Variants in PLSCR1 observed in about 807,000 individuals in gnomAD.
The protein encoded by PLSCR1 is phospholipid scramblase 1, also known as PL scramblase 1.
In PLSCR1, 17 loss-of-function variants were observed where a neutral mutation model predicts 37.8. The observed-to-expected ratio is 0.45, with a 90% CI of 0.31 to 0.68. PLSCR1 has a LOEUF of 0.68. PLSCR1 is among the 30% of genes least tolerant of loss of function. The probability of loss-of-function intolerance (pLI) is 0.06; values close to 1 mark genes in which losing one functional copy is unlikely to be tolerated. For synonymous variants in PLSCR1, 116 were observed against 125.9 expected (o/e 0.92, Z 0.53); for missense variants, 347 against 380.9 (o/e 0.91, Z 0.74).
Position 146,515,568 on chromosome 3 carries a change from T to C in PLSCR1, c.*477A>G, listed in dbSNP as rs572099445. On this transcript the variant is annotated 3_prime_UTR_variant, in exon 9 of 9. Transcript: ENST00000342435. ...AAGATTAAAAAAACATTTAACTTTTTAAAGATAATATGCATATTGAATATT... is the reference window on the plus strand; with the variant it reads ...AAGATTAAAAAAACATTTAACTTTTCAAAGATAATATGCATATTGAATATT... 3 of 152,176 alleles carry C rather than the reference T, an allele frequency of 2.0e-5. No individual in the cohort carries two copies. The South Asian group carries it at 6.2e-4, about 32-fold the overall frequency. 9.4% of individuals were successfully genotyped at this position (152,176 alleles called of 1,614,324 possible).
intron 7 of PLSCR1, among the ~76,000 whole-genome samples, chr3:146,519,380 C>T (rs1406559115): frequency 7.2e-5 from 11 of 151,996 alleles, no homozygotes; most frequent in Admixed American, 7.2e-4. Flanking sequence ...TTTGAGATTC[C>T]TGAAACACAA....
Position 146,542,853 on chromosome 3 carries a change from G to A in PLSCR1, c.-14+1614C>T, listed in dbSNP as rs566581751. Among the ~76,000 whole-genome samples, 6 of 152,230 alleles carry A rather than the reference G, an allele frequency of 3.9e-5. No individual in the cohort carries two copies. In the South Asian group the frequency reaches 8.3e-4, roughly 21 times the overall value. On this transcript the variant is annotated intron_variant, in intron 1 of 8. Transcript: ENST00000342435. The stretch of plus-strand genomic sequence containing the variant: ...TTAATTGAAGGCATAGAGCATGCAA[G>A]GCACTATACCAGGCACTAGAGCACA...
At chr3:146,517,775 C>T (rs556157060) in intron 7 of PLSCR1, among the ~76,000 whole-genome samples, 2 of 152,190 alleles carry the variant, frequency 1.3e-5, no homozygotes, top group African/African-American at 4.8e-5. Context: ...AGTGTATGAA[C>T]AAATGAGCTC....
At chr3:146,516,597 C>A in intron 8 of PLSCR1, 1 of 172,306 alleles carries the variant, frequency 5.8e-6, no homozygotes, top group South Asian at 1.5e-4. Flanking sequence ...AATGTACACT[C>A]TTATTGTACT....
chr3:146,526,183 C>CAAAAAAAAAAAAAAAAA (rs60229241), intron 4 of PLSCR1, among the ~76,000 whole-genome samples: 9 of 42,756 alleles, frequency 2.1e-4, no homozygotes, highest in African/African-American at 4.8e-4. Context: ...GACTCCATCT[C>CAAAAAAAAAAAAAAAAA]AAAAAAAAAA....
chr3:146,522,832 A>G (rs910259826), intron 5 of PLSCR1, among the ~76,000 whole-genome samples: 2 of 152,226 alleles, frequency 1.3e-5, no homozygotes, highest in African/African-American at 2.4e-5. Context: ...GAGATAGGGG[A>G]AAACTGCCTT....
At position 146,515,963 on chromosome 3, in the gene PLSCR1, C is replaced by T. The variant is rs943649548; in HGVS notation, c.*82G>A. The stretch of plus-strand genomic sequence containing the variant: ...ACAACCAGAGCTACAGGCCTTACAG[C>T]TTAATTCATACAGGTATGAGTTTAG... On this transcript the variant is annotated 3_prime_UTR_variant, in exon 9 of 9. Coordinates refer to ENST00000342435, the MANE Select transcript of PLSCR1 (RefSeq NM_021105.3). 2.3e-6 allele frequency: 2 copies of T among 853,004 alleles called. No homozygotes were observed. The highest frequency in any genetic ancestry group is 4.3e-5 in the Admixed American group (2 of 46,890). The allele number at this position is 853,004 out of a possible 1,614,324, so 52.8% of individuals were successfully genotyped here.
chr3:146,539,712 G>A (rs945229338), intron 1 of PLSCR1, among the ~76,000 whole-genome samples: 2 of 152,196 alleles, frequency 1.3e-5, no homozygotes, highest in African/African-American at 4.8e-5. Context: ...AAGTTAGTGA[G>A]GATGAGACTT....
intron 1 of PLSCR1, among the ~76,000 whole-genome samples, chr3:146,543,342 T>A (rs146880376): frequency 2.6e-5 from 4 of 152,268 alleles, no homozygotes; most frequent in Middle Eastern, 3.4e-3. Context: ...CACTTTTCTA[T>A]CCAATTGCAT....
In PLSCR1 at chr3:146,516,094, A is replaced by C. The variant is rs943005061; in HGVS notation, c.908T>G (p.Met303Arg). The C allele has an allele frequency of 6.2e-7, 1 of 1,605,424 alleles. No individual in the cohort carries two copies. Among genetic ancestry groups the C allele is most frequent in the Non-Finnish European group, 8.5e-7 (1 of 1,173,388 alleles). Residue 303 changes from methionine (M) to arginine (R), a missense_variant, in exon 9 of 9, where the codon ATG (methionine) becomes AGG (arginine). Coordinates refer to ENST00000342435, the MANE Select transcript of PLSCR1 (RefSeq NM_021105.3). ...MIGACFLIDF[M>R]FFESTGSQEQ... ...CTGGCTGCCAGTGCTTTCAAAAAAC[A>C]TGAAGTCCTAGATAAAAACAAAAGT...
chr3:146,516,553 T>C (rs1162037987), intron 8 of PLSCR1: 1 of 167,190 alleles, frequency 6.0e-6, no homozygotes, highest in Non-Finnish European at 1.3e-5. Context: ...AATTATTTCC[T>C]GTAATTTGGT....
rs1415949040 is a variant in PLSCR1 at position 146,536,571 on chromosome 3, AAAG to A, written c.-13-9_-13-7del. ...TGTCCATGATTAAAACAGTTCTGAA[AAAG>A]AAGATCTGACATTAACACACTGTCT... is the stretch of plus-strand genomic sequence containing the variant. On this transcript the variant is annotated splice_region_variant and splice_polypyrimidine_tract_variant and intron_variant, in intron 1 of 8. Transcript: ENST00000342435. 2.0e-6 allele frequency: 3 copies of A among 1,467,334 alleles called. No homozygotes were observed. Among genetic ancestry groups the A allele is most frequent in the South Asian group, 1.1e-5 (1 of 87,866 alleles). 90.9% of individuals were successfully genotyped at this position (1,467,334 alleles called of 1,614,324 possible).
At chr3:146,534,518 T>C (rs2044240418) in intron 2 of PLSCR1, among the ~76,000 whole-genome samples, 1 of 152,156 alleles carries the variant, frequency 6.6e-6, no homozygotes, top group Non-Finnish European at 1.5e-5. Flanking sequence ...CCACTCAACT[T>C]GTGAATCGTG....
intron 3 of PLSCR1, among the ~76,000 whole-genome samples, chr3:146,529,584 C>T (rs1418194032): frequency 1.3e-5 from 2 of 151,336 alleles, no homozygotes; most frequent in African/African-American, 4.9e-5. Flanking sequence ...ATCATCTCTG[C>T]TCACTGCAAG....
chr3:146,523,994 G>A (rs1385380252), intron 5 of PLSCR1, among the ~76,000 whole-genome samples: 2 of 152,186 alleles, frequency 1.3e-5, no homozygotes, highest in Non-Finnish European at 2.9e-5. Context: ...GTCGGATAAA[G>A]ACGGCCTTCA....
chr3:146,528,656 C>G lies in PLSCR1; in HGVS notation c.270G>C (p.Gln90His). The G allele has an allele frequency of 1.2e-6, 2 of 1,614,040 alleles. No homozygotes were observed. The highest frequency in any genetic ancestry group is 1.7e-6 in the Non-Finnish European group (2 of 1,179,906). Reference sequence around the variant, plus strand: ...ATCCAGGTGGACAGTTTAATGGAGGCTGTGGCGCTGGCATCCATGGTACCC... The same window carrying G: ...ATCCAGGTGGACAGTTTAATGGAGGGTGTGGCGCTGGCATCCATGGTACCC... Reference protein sequence around the residue: ...AAGVPWMPAPQPPLNCPPGLE... With the variant: ...AAGVPWMPAPHPPLNCPPGLE... Residue 90 changes from glutamine to histidine, a missense_variant, in exon 4 of 9, where the codon CAG becomes CAC. Gln to His is a conservative substitution (Grantham distance 24). Transcript: ENST00000342435.
chr3:146,520,620 T>C (rs1314118346), intron 7 of PLSCR1, among the ~76,000 whole-genome samples: 1 of 152,166 alleles, frequency 6.6e-6, no homozygotes, highest in Admixed American at 6.6e-5. Context: ...TTCATCTTTA[T>C]ATAGCTAAAG....
At chr3:146,542,734 C>T (rs1392166383) in intron 1 of PLSCR1, among the ~76,000 whole-genome samples, 2 of 152,104 alleles carry the variant, frequency 1.3e-5, no homozygotes, top group East Asian at 3.9e-4. Context: ...CAGTGCAATA[C>T]AGTGTGTATA....
At chr3:146,536,664 T>C (rs2044269868) in intron 1 of PLSCR1, 99 bp from the exon 2 acceptor site, 9 of 735,528 alleles carry the variant, frequency 1.2e-5, no homozygotes, top group South Asian at 1.1e-4. Context: ...GTCACATTCA[T>C]AGGATATTCC....
Sources: allele counts gnomAD v4.1 joint callset (sites outside exome capture counted in the v4.1 genomes callset), GRCh38; gene constraint gnomAD v4.1.1; transcripts MANE v1.5; gene names NCBI Gene and HGNC (gene_info 2026-07-23, HGNC 2026-07-21).